The following NRXN3 variants were observed in gnomAD, a reference collection of about 807,000 sequenced individuals.
The protein encoded by NRXN3 is neurexin III.
A neutral mutation model predicts 137.6 loss-of-function variants in NRXN3; 32 were observed. The observed-to-expected ratio is 0.23, with a 90% CI of 0.18 to 0.31. NRXN3 has a LOEUF of 0.31. NRXN3 is among the 10% of genes least tolerant of loss of function. The pLI is 1.00. For synonymous variants in NRXN3, 798 were observed against 784.5 expected (o/e 1.02, Z -0.29); for missense variants, 1,574 against 2,062.5 (o/e 0.76, Z 4.59).
chr14:79,108,598 A>T (rs929692749), intron 15 of NRXN3, among the ~76,000 whole-genome samples: 1 of 152,168 alleles, frequency 6.6e-6, no homozygotes, highest in Non-Finnish European at 1.5e-5. Flanking sequence ...AAAACTAGTA[A>T]ATGGCACTCT....
chr14:78,856,929 C>A (rs968601086), intron 10 of NRXN3, among the ~76,000 whole-genome samples: 3 of 152,114 alleles, frequency 2.0e-5, no homozygotes, highest in Non-Finnish European at 4.4e-5. Context: ...AACATGGTTT[C>A]ACCATGTTGG....
intron 1 of NRXN3, among the ~76,000 whole-genome samples, chr14:78,175,554 G>A (rs1049936871): frequency 1.3e-5 from 2 of 152,170 alleles, no homozygotes; most frequent in African/African-American, 2.4e-5. Flanking sequence ...TTCCTGCTGT[G>A]GTCCGGGACC....
intron 10 of NRXN3, among the ~76,000 whole-genome samples, chr14:78,824,755 G>A (rs1159661740): frequency 6.6e-6 from 1 of 151,894 alleles, no homozygotes; most frequent in African/African-American, 2.4e-5. Context: ...GAGCACAACG[G>A]GGTGACCACA....
chr14:78,888,930 A>G (rs2099151411), intron 10 of NRXN3, among the ~76,000 whole-genome samples: 2 of 151,572 alleles, frequency 1.3e-5, no homozygotes, highest in Non-Finnish European at 2.9e-5. Context: ...TTTTGTTTAT[A>G]ATGGTGTGAC....
intron 8 of NRXN3, among the ~76,000 whole-genome samples, chr14:78,769,693 CA>C (rs2098720517): frequency 6.6e-6 from 1 of 152,216 alleles, no homozygotes; most frequent in Non-Finnish European, 1.5e-5. Flanking sequence ...CACACCTAAC[CA>C]TGCTGTAAGG....
intron 15 of NRXN3, among the ~76,000 whole-genome samples, chr14:79,065,865 T>A (rs966807744): frequency 1.3e-5 from 2 of 152,122 alleles, no homozygotes; most frequent in Admixed American, 6.6e-5. Flanking sequence ...GTTACCTAGG[T>A]AAACGTGTGC....
At chr14:79,694,559 G>A (rs1398208374) in intron 18 of NRXN3, among the ~76,000 whole-genome samples, 1 of 151,896 alleles carries the variant, frequency 6.6e-6, no homozygotes, top group Non-Finnish European at 1.5e-5. Context: ...ATAATGGTCA[G>A]TTATTATAAA....
At chr14:79,841,329 A>G (rs1395752998) in intron 20 of NRXN3, among the ~76,000 whole-genome samples, 2 of 152,162 alleles carry the variant, frequency 1.3e-5, no homozygotes, top group Admixed American at 6.6e-5. Flanking sequence ...AAGAGAACTT[A>G]CCGGCCCTAT....
At chr14:79,332,273 C>G (rs2091795513) in intron 15 of NRXN3, among the ~76,000 whole-genome samples, 1 of 152,180 alleles carries the variant, frequency 6.6e-6, no homozygotes, top group Admixed American at 6.5e-5. Context: ...TGAAAGGCTT[C>G]TAACTGGTTT....
chr14:79,033,765 T>C (rs1482082617), intron 15 of NRXN3, among the ~76,000 whole-genome samples: 2 of 152,088 alleles, frequency 1.3e-5, no homozygotes, highest in African/African-American at 4.8e-5. Flanking sequence ...CCAAGATGTC[T>C]TTTTTTCCTC....
intron 20 of NRXN3, among the ~76,000 whole-genome samples, chr14:79,840,537 T>C (rs1008417034): frequency 6.6e-6 from 1 of 152,152 alleles, no homozygotes; most frequent in African/African-American, 2.4e-5. Context: ...CCATACTCAG[T>C]GAGAACTGAA....
intron 14 of NRXN3, among the ~76,000 whole-genome samples, chr14:78,976,530 A>G (rs867271659): frequency 1.6e-4 from 25 of 152,264 alleles, no homozygotes; most frequent in African/African-American, 5.5e-4. Context: ...TAATTCCCCA[A>G]CTGTCTTTAC....
intron 15 of NRXN3, among the ~76,000 whole-genome samples, chr14:79,016,537 A>T (rs1263487824): frequency 6.6e-6 from 1 of 152,178 alleles, no homozygotes; most frequent in African/African-American, 2.4e-5. Context: ...GTAACGATAG[A>T]CATGGTCCCA....
At chr14:78,531,832 T>C (rs1371690834) in intron 4 of NRXN3, among the ~76,000 whole-genome samples, 1 of 152,192 alleles carries the variant, frequency 6.6e-6, no homozygotes, top group Non-Finnish European at 1.5e-5. Flanking sequence ...TTTATGCTTC[T>C]TTTCTAGGAG....
At chr14:78,179,070 G>C (rs976201513) in intron 1 of NRXN3, among the ~76,000 whole-genome samples, 9 of 152,176 alleles carry the variant, frequency 5.9e-5, no homozygotes, top group Non-Finnish European at 1.0e-4. Context: ...AGAAGGAGGA[G>C]ATGGGATCAT....
At chr14:78,798,208 G>A (rs1054881733) in intron 8 of NRXN3, among the ~76,000 whole-genome samples, 1 of 152,142 alleles carries the variant, frequency 6.6e-6, no homozygotes, top group Non-Finnish European at 1.5e-5. Flanking sequence ...AAAATCAAAA[G>A]CAAGTTAGTT....
intron 10 of NRXN3, among the ~76,000 whole-genome samples, chr14:78,852,377 A>G (rs1013327553): frequency 7.9e-5 from 12 of 152,190 alleles, no homozygotes; most frequent in African/African-American, 2.9e-4. Flanking sequence ...ATGATTATAA[A>G]TTAGCTTATT....
chr14:79,039,934 C>A (rs1435725052), intron 15 of NRXN3, among the ~76,000 whole-genome samples: 1 of 152,100 alleles, frequency 6.6e-6, no homozygotes, highest in African/African-American at 2.4e-5. Flanking sequence ...AAACTACTGA[C>A]CTCAAATGAT....
At chr14:79,612,210 C>T (rs2098112068) in intron 16 of NRXN3, among the ~76,000 whole-genome samples, 2 of 152,144 alleles carry the variant, frequency 1.3e-5, no homozygotes, top group African/African-American at 2.4e-5. Context: ...CACCCTATTA[C>T]TATTATCACC....
Sources: gnomAD v4.1 joint callset for allele counts (sites outside exome capture counted in the v4.1 genomes callset) on GRCh38, gnomAD v4.1.1 for gene constraint, MANE v1.5 for transcripts, NCBI Gene and HGNC (gene_info 2026-07-23, HGNC 2026-07-21) for gene names.